Variants in NIPBL observed in about 807,000 individuals in gnomAD.
NIPBL encodes NIPBL cohesin loading factor.
A neutral mutation model predicts 321.8 loss-of-function variants in NIPBL; 19 were observed. That is an observed-to-expected ratio of 0.06 (90% CI 0.04 to 0.09). NIPBL has a LOEUF of 0.09. Among genes scored for constraint, NIPBL ranks in the 10% least tolerant of loss-of-function variants. NIPBL has a pLI of 1.00. For missense variants in NIPBL, 2,210 were observed against 3,327.0 expected, an observed-to-expected ratio of 0.66 and a Z score of 8.26; for synonymous variants, 1,106 against 1,114.1, an observed-to-expected ratio of 0.99 and a Z score of 0.14.
intron 1 of NIPBL, among the ~76,000 whole-genome samples, chr5:36,896,969 C>A (rs987320449): frequency 6.6e-5 from 10 of 151,002 alleles, no homozygotes; most frequent in African/African-American, 2.4e-4. Flanking sequence ...GCATTGTGTT[C>A]TTTTTAATGC....
intron 10 of NIPBL, among the ~76,000 whole-genome samples, chr5:36,994,704 A>G (rs560391199): frequency 3.7e-4 from 57 of 152,296 alleles, no homozygotes; most frequent in African/African-American, 1.3e-3. Flanking sequence ...ATCATTAAGG[A>G]CAAATTATCC....
intron 21 of NIPBL, among the ~76,000 whole-genome samples, chr5:37,012,344 A>T (rs1170214181): frequency 7.0e-6 from 1 of 142,368 alleles, no homozygotes; most frequent in Non-Finnish European, 1.5e-5. Context: ...TCTTGGTGAT[A>T]TTCTCTTTTT....
intron 9 of NIPBL, among the ~76,000 whole-genome samples, chr5:36,977,261 T>C (rs760227505): frequency 8.6e-5 from 13 of 152,032 alleles, no homozygotes; most frequent in Non-Finnish European, 1.6e-4. Context: ...ATGATTAAAA[T>C]ATTTTAGGTT....
chr5:37,042,899 G>GCACACA (rs70976273), intron 34 of NIPBL, among the ~76,000 whole-genome samples: 47 of 144,896 alleles, frequency 3.2e-4, no homozygotes, highest in African/African-American at 1.0e-3. Context: ...ACACACGCGC[G>GCACACA]CACACACACA....
intron 1 of NIPBL, among the ~76,000 whole-genome samples, chr5:36,882,885 TA>T (rs1268446990): frequency 1.1e-3 from 169 of 149,334 alleles, no homozygotes; most frequent in Middle Eastern, 0.01. Context: ...TCTTTTTTTT[TA>T]AAAAAAAAAC....
chr5:36,915,902 T>G (rs1461666318), intron 1 of NIPBL, among the ~76,000 whole-genome samples: 1 of 152,194 alleles, frequency 6.6e-6, no homozygotes, highest in Non-Finnish European at 1.5e-5. Context: ...GCTGTTAGCT[T>G]ATAAGTCAGT....
At chr5:36,949,573 A>G (rs891298495) in intron 1 of NIPBL, among the ~76,000 whole-genome samples, 1 of 151,962 alleles carries the variant, frequency 6.6e-6, no homozygotes, top group African/African-American at 2.4e-5. Flanking sequence ...TTTAATCACT[A>G]AAAGTAAAAA....
chr5:37,007,145 G>A (rs1332505963), intron 17 of NIPBL, among the ~76,000 whole-genome samples, 178 bp from the exon 18 acceptor site: 1 of 151,932 alleles, frequency 6.6e-6, no homozygotes, highest in Non-Finnish European at 1.5e-5. Flanking sequence ...ATGCAAGAAT[G>A]TTTCTAATAG....
intron 27 of NIPBL, among the ~76,000 whole-genome samples, chr5:37,021,170 A>G (rs1192215115): frequency 5.3e-5 from 8 of 152,116 alleles, no homozygotes; most frequent in Non-Finnish European, 1.5e-5. Flanking sequence ...GTGGTGGCAC[A>G]TGCCTGTAAT....
chr5:36,882,435 A>G (rs1434196970), intron 1 of NIPBL, among the ~76,000 whole-genome samples: 2 of 152,006 alleles, frequency 1.3e-5, no homozygotes, highest in Non-Finnish European at 2.9e-5. Context: ...ACTGAGATAT[A>G]GAATGATTAC....
At chr5:36,982,973 A>G (rs1037646733) in intron 9 of NIPBL, among the ~76,000 whole-genome samples, 2 of 151,976 alleles carry the variant, frequency 1.3e-5, no homozygotes, top group African/African-American at 2.4e-5. Context: ...AGAGTCTTAT[A>G]AAAGTTTAAG....
At chr5:36,919,884 T>C (rs913962588) in intron 1 of NIPBL, among the ~76,000 whole-genome samples, 6 of 152,146 alleles carry the variant, frequency 3.9e-5, no homozygotes. Flanking sequence ...ATACAGACTT[T>C]AATAGAACTA....
chr5:36,997,149 A>G (rs756754772), intron 11 of NIPBL: 4 of 152,230 alleles, frequency 2.6e-5, no homozygotes, highest in Non-Finnish European at 5.9e-5. Flanking sequence ...ATGAGAAGAT[A>G]AAAGAAACAT....
chr5:37,024,556 G>A, intron 29 of NIPBL, 29 bp from the exon 30 acceptor site: 2 of 1,583,916 alleles, frequency 1.3e-6, no homozygotes, highest in Non-Finnish European at 1.7e-6. Context: ...CAATTTTTCT[G>A]ACTCTTAAAA....
chr5:36,910,651 T>A (rs1747978514), intron 1 of NIPBL, among the ~76,000 whole-genome samples: 1 of 152,240 alleles, frequency 6.6e-6, no homozygotes, highest in South Asian at 2.1e-4. Context: ...TAGCAATTTG[T>A]ACCTCTTTAC....
chr5:36,889,186 GA>G (rs1185977457), intron 1 of NIPBL, among the ~76,000 whole-genome samples: 1 of 152,072 alleles, frequency 6.6e-6, no homozygotes, highest in African/African-American at 2.4e-5. Context: ...ATGAAACCCA[GA>G]AATGGTGGAC....
chr5:37,058,979 C>T lies in NIPBL; in HGVS notation c.7499C>T (p.Pro2500Leu), dbSNP rs769223635. The T allele has an allele frequency of 5.6e-6, 9 of 1,614,140 alleles. No homozygotes were observed. Among genetic ancestry groups the T allele is most frequent in the Non-Finnish European group, 7.6e-6 (9 of 1,180,038 alleles). Residue 2500 changes from proline (P) to leucine (L), a missense_variant, in exon 44 of 47, where the codon CCT (proline) becomes CTT (leucine). Pro to Leu is a moderately conservative substitution (Grantham distance 98). This residue lies in a region of NIPBL where 79 missense variants were observed against 90.8 expected (regional missense o/e 0.87). Transcript: ENST00000282516. ...SSDSEEEVSR[P>L]RKSRKRVDSD... ...GACAGTGAAGAAGAAGTTTCCAGGC[C>T]TCGGAAGTCACGGAAACGTGTAGAT...
intron 1 of NIPBL, among the ~76,000 whole-genome samples, chr5:36,901,752 AC>A (rs1238047395): frequency 2.0e-5 from 3 of 150,570 alleles, no homozygotes; most frequent in Non-Finnish European, 4.4e-5. Flanking sequence ...CAAGTGATCC[AC>A]CCCCCTCTGC....
intron 1 of NIPBL, among the ~76,000 whole-genome samples, chr5:36,902,031 T>C (rs543213963): frequency 3.9e-5 from 6 of 152,306 alleles, no homozygotes; most frequent in African/African-American, 1.4e-4. Flanking sequence ...TTTTTTGATA[T>C]GCTTATTGGC....
Sources: gnomAD v4.1 joint callset for allele counts (sites outside exome capture counted in the v4.1 genomes callset) on GRCh38, gnomAD v4.1.1 for gene constraint, gnomAD v4.1.1 regional missense constraint, MANE v1.5 for transcripts, NCBI Gene and HGNC (gene_info 2026-07-23, HGNC 2026-07-21) for gene names.